Variants in ABCC9 observed in about 807,000 individuals in gnomAD.
ABCC9 encodes the protein ATP binding cassette subfamily C member 9.
In ABCC9, 95 loss-of-function variants were observed where a neutral mutation model predicts 188.3. The ratio of observed to expected loss-of-function variants is 0.50; its 90% CI spans 0.43 to 0.60. ABCC9 has a LOEUF of 0.60. Among genes scored for constraint, ABCC9 ranks in the 20% least tolerant of loss-of-function variants. ABCC9 has a pLI of 0.00. For synonymous variants in ABCC9, 659 were observed against 652.7 expected (o/e 1.01, Z -0.15); for missense variants, 1,102 against 1,876.3 (o/e 0.59, Z 7.62).
Position 21,879,959 on chromosome 12 carries a change from A to T in ABCC9, c.2019+2807T>A, listed in dbSNP as rs187875454. On this transcript the variant is annotated intron_variant, in intron 16 of 39. Transcript: ENST00000261200. ...ACTGAACACACATAAATCTGAGAAA[A>T]ATAAATGAAGGCTATCAGTTGATTC... is the stretch of plus-strand genomic sequence containing the variant. Among the ~76,000 whole-genome samples, 59 of 151,956 alleles carry T rather than the reference A, an allele frequency of 3.9e-4. 1 individual carries two copies. In the East Asian group the frequency reaches 4.1e-3, roughly 10 times the overall value.
At chr12:21,910,690 G>T (rs1483192789) in intron 9 of ABCC9, 136 bp downstream of exon 9, 2 of 771,396 alleles carry the variant, frequency 2.6e-6, no homozygotes, top group Non-Finnish European at 4.3e-6. Context: ...TCATTAAGTA[G>T]ATTATAGAAA....
chr12:21,866,575 C>G (rs894413575), intron 18 of ABCC9, among the ~76,000 whole-genome samples: 5 of 152,296 alleles, frequency 3.3e-5, no homozygotes, highest in Non-Finnish European at 2.9e-5. Flanking sequence ...CTCTTGTTCA[C>G]TTATTTCTCC....
intron 12 of ABCC9, among the ~76,000 whole-genome samples, chr12:21,902,857 G>T (rs954545593): frequency 6.6e-6 from 1 of 152,112 alleles, no homozygotes; most frequent in East Asian, 1.9e-4. Flanking sequence ...AATTCTACCA[G>T]AGGTACAAGG....
chr12:21,913,897 C>T (rs1008978752), intron 7 of ABCC9, among the ~76,000 whole-genome samples: 2 of 152,054 alleles, frequency 1.3e-5, no homozygotes, highest in Non-Finnish European at 2.9e-5. Flanking sequence ...AATTTGTTTT[C>T]CAAAGTTTAT....
At position 21,933,810 on chromosome 12, in the gene ABCC9, C is replaced by T. The variant is rs774026262; in HGVS notation, c.256G>A (p.Glu86Lys). 2 of 1,613,474 alleles carry T rather than the reference C, an allele frequency of 1.2e-6. No homozygotes were observed. The highest frequency in any genetic ancestry group is 1.7e-6 in the Non-Finnish European group (2 of 1,179,634). The change falls in exon 4 of 40, where the codon GAA becomes AAA. Residue 86 changes from glutamate (E) to lysine (K), a missense_variant. Physicochemically the swap from Glu to Lys is moderately conservative, Grantham distance 56 (BLOSUM62 1). Coordinates refer to ENST00000261200, the MANE Select transcript of ABCC9 (RefSeq NM_020297.4). Reference protein sequence around the residue: ...TFALLFVHVCEIAEGIVSDSR... With the variant: ...TFALLFVHVCKIAEGIVSDSR... The stretch of plus-strand genomic sequence containing the variant: ...TCTGAAACAATGCCTTCTGCTATTT[C>T]ACAGACATGCACAAACAGGAGAGCG...
chr12:21,826,658 G>T (rs972212431), intron 31 of ABCC9, among the ~76,000 whole-genome samples: 1 of 152,160 alleles, frequency 6.6e-6, no homozygotes, highest in Non-Finnish European at 1.5e-5. Flanking sequence ...CTCTGAGATT[G>T]TCTAGAGGGG....
intron 22 of ABCC9, among the ~76,000 whole-genome samples, chr12:21,856,561 C>T (rs1240760026): frequency 6.6e-6 from 1 of 152,088 alleles, no homozygotes; most frequent in African/African-American, 2.4e-5. Context: ...TATACTGCAT[C>T]AAGGCTAACA....
At chr12:21,828,895 G>A (rs566197680) in intron 31 of ABCC9, 63 bp downstream of exon 31, 2 of 1,319,150 alleles carry the variant, frequency 1.5e-6, no homozygotes, top group Non-Finnish European at 2.2e-6. Flanking sequence ...ACAACTGTCT[G>A]CCTCTTTGCA....
chr12:21,867,031 C>G (rs1945816496), intron 18 of ABCC9, among the ~76,000 whole-genome samples: 1 of 152,078 alleles, frequency 6.6e-6, no homozygotes, highest in African/African-American at 2.4e-5. Flanking sequence ...CATAGGGGAT[C>G]TTCACTTCTG....
chr12:21,848,251 AG>A lies in ABCC9; in HGVS notation c.2770-6del. 1 of 1,612,072 alleles carries A rather than the reference AG, an allele frequency of 6.2e-7. No individual in the cohort carries two copies. Among genetic ancestry groups the A allele is most frequent in the African/African-American group, 1.3e-5 (1 of 74,996 alleles). ...AGTTTGGTCAGCTTCCATATCCTGC[AG>A]TAAACATTGTACTATCATGCAAGGA... On this transcript the variant is annotated splice_polypyrimidine_tract_variant and splice_region_variant and intron_variant, in intron 24 of 39. Coordinates refer to ENST00000261200, the MANE Select transcript of ABCC9 (RefSeq NM_020297.4).
intron 29 of ABCC9, among the ~76,000 whole-genome samples, chr12:21,841,142 T>C (rs1047451357): frequency 6.6e-6 from 1 of 152,218 alleles, no homozygotes; most frequent in African/African-American, 2.4e-5. Context: ...CAATGAGTGC[T>C]TAGTATTTGT....
At chr12:21,911,963 T>C (rs2137883994) in intron 8 of ABCC9, among the ~76,000 whole-genome samples, 1 of 152,098 alleles carries the variant, frequency 6.6e-6, no homozygotes, top group South Asian at 2.1e-4. Context: ...CTCACCGTAA[T>C]TGTTTCATAA....
intron 15 of ABCC9, among the ~76,000 whole-genome samples, chr12:21,883,702 T>C (rs1269240428): frequency 7.0e-6 from 1 of 142,404 alleles, no homozygotes; most frequent in Non-Finnish European, 1.5e-5. Flanking sequence ...CTGCTATGGA[T>C]TGACAAAAGC....
intron 5 of ABCC9, among the ~76,000 whole-genome samples, chr12:21,918,169 TCAAA>T (rs1327569341): frequency 2.6e-5 from 4 of 152,156 alleles, no homozygotes; most frequent in Non-Finnish European, 5.9e-5. Context: ...TATATTAATG[TCAAA>T]CAAAGCCGAC....
At chr12:21,843,336 A>G (rs938103789) in intron 28 of ABCC9, among the ~76,000 whole-genome samples, 2 of 152,194 alleles carry the variant, frequency 1.3e-5, no homozygotes, top group East Asian at 1.9e-4. Flanking sequence ...TCTACATAAG[A>G]TGGAGTTTTT....
intron 18 of ABCC9, among the ~76,000 whole-genome samples, chr12:21,866,324 C>T (rs193051884): frequency 6.6e-6 from 1 of 152,218 alleles, no homozygotes; most frequent in Non-Finnish European, 1.5e-5. Flanking sequence ...TTAGAAATAT[C>T]ACTGTGATCA....
intron 35 of ABCC9, 123 bp downstream of exon 35, chr12:21,814,521 C>T: frequency 2.5e-6 from 2 of 799,906 alleles, no homozygotes; most frequent in Admixed American, 2.0e-5. Context: ...CTGCCTTGAA[C>T]CATGTGTAGA....
At chr12:21,928,886 G>A (rs954044373) in intron 4 of ABCC9, among the ~76,000 whole-genome samples, 2 of 152,116 alleles carry the variant, frequency 1.3e-5, no homozygotes, top group African/African-American at 2.4e-5. Context: ...CTTAAGCTAT[G>A]TTCTTTTTAG....
At chr12:21,848,407 G>A (rs1329497016) in intron 24 of ABCC9, among the ~76,000 whole-genome samples, 161 bp from the exon 25 acceptor site, 1 of 152,072 alleles carries the variant, frequency 6.6e-6, no homozygotes, top group Non-Finnish European at 1.5e-5. Context: ...AACAGCTGTG[G>A]GGGCAGAACC....
Sources: gnomAD v4.1 joint callset for allele counts (sites outside exome capture counted in the v4.1 genomes callset) on GRCh38, gnomAD v4.1.1 for gene constraint, MANE v1.5 for transcripts, NCBI Gene and HGNC (gene_info 2026-07-23, HGNC 2026-07-21) for gene names.